KIAA1217: variants seen among roughly 807,000 people sequenced by gnomAD.
KIAA1217 encodes the protein sickle tail protein homolog.
KIAA1217 carries 88 observed loss-of-function variants against 163.9 expected under a neutral mutation model. The ratio of observed to expected loss-of-function variants is 0.54; its 90% CI spans 0.45 to 0.64. The LOEUF is 0.64. Among genes scored for constraint, KIAA1217 ranks in the 30% least tolerant of loss-of-function variants. KIAA1217 has a pLI of 0.00. For synonymous variants in KIAA1217, 903 were observed against 923.1 expected (o/e 0.98, Z 0.39); for missense variants, 2,372 against 2,475.0 (o/e 0.96, Z 0.88).
intron 2 of KIAA1217, among the ~76,000 whole-genome samples, chr10:24,334,282 A>G (rs778520074): frequency 2.6e-5 from 4 of 152,112 alleles, no homozygotes; most frequent in Non-Finnish European, 5.9e-5. Flanking sequence ...GAGCATGCCT[A>G]TAGTTCCAGC....
intron 2 of KIAA1217, among the ~76,000 whole-genome samples, chr10:24,123,891 A>C (rs1349222668): frequency 6.6e-6 from 1 of 152,138 alleles, no homozygotes; most frequent in Non-Finnish European, 1.5e-5. Flanking sequence ...TATTTGTCTA[A>C]CGTTACTGAG....
intron 1 of KIAA1217, among the ~76,000 whole-genome samples, chr10:23,782,713 G>A (rs1231966129): frequency 6.6e-6 from 1 of 152,102 alleles, no homozygotes; most frequent in Non-Finnish European, 1.5e-5. Flanking sequence ...ATGTTTATTA[G>A]ACCTAACAAT....
chr10:23,888,977 C>T (rs1289825018), intron 1 of KIAA1217, among the ~76,000 whole-genome samples: 1 of 151,854 alleles, frequency 6.6e-6, no homozygotes, highest in Non-Finnish European at 1.5e-5. Flanking sequence ...TTCCTTTGCT[C>T]TGCATTATGT....
intron 2 of KIAA1217, among the ~76,000 whole-genome samples, chr10:24,341,329 A>C (rs2047071222): frequency 6.6e-6 from 1 of 152,120 alleles, no homozygotes; most frequent in Admixed American, 6.5e-5. Context: ...GATGGAAATC[A>C]GTAGGTCAGT....
At chr10:23,778,523 G>C (rs1203553159) in intron 1 of KIAA1217, among the ~76,000 whole-genome samples, 1 of 152,204 alleles carries the variant, frequency 6.6e-6, no homozygotes, top group Non-Finnish European at 1.5e-5. Flanking sequence ...CCCCTGATTG[G>C]AGGCCATTGT....
chr10:24,134,681 C>T (rs1315036318), intron 2 of KIAA1217, among the ~76,000 whole-genome samples: 3 of 152,136 alleles, frequency 2.0e-5, no homozygotes, highest in African/African-American at 7.2e-5. Context: ...TCAAGCGATC[C>T]TCCTATCTTA....
chr10:24,323,985 T>TAAG (rs1348663079), intron 2 of KIAA1217, among the ~76,000 whole-genome samples: 1 of 152,116 alleles, frequency 6.6e-6, no homozygotes, highest in Admixed American at 6.6e-5. Flanking sequence ...GATCTTAGGC[T>TAAG]AAGGAACCAC....
At chr10:24,365,510 A>G (rs1243621611) in intron 2 of KIAA1217, among the ~76,000 whole-genome samples, 1 of 151,652 alleles carries the variant, frequency 6.6e-6, no homozygotes, top group Non-Finnish European at 1.5e-5. Context: ...GGTCTACTTC[A>G]GGGTATTTCT....
intron 9 of KIAA1217, among the ~76,000 whole-genome samples, chr10:24,505,465 T>A (rs2068213920): frequency 6.6e-6 from 1 of 152,082 alleles, no homozygotes. Flanking sequence ...GCCCACTTTT[T>A]CTAAATAATG....
chr10:24,157,085 C>A (rs2064911425), intron 2 of KIAA1217, among the ~76,000 whole-genome samples: 1 of 152,160 alleles, frequency 6.6e-6, no homozygotes, highest in Non-Finnish European at 1.5e-5. Context: ...TAATAAATTA[C>A]AAAACTGTTG....
At chr10:24,039,977 C>G (rs188224244) in intron 2 of KIAA1217, among the ~76,000 whole-genome samples, 48 of 152,244 alleles carry the variant, frequency 3.2e-4, no homozygotes, top group African/African-American at 1.1e-3. Context: ...TACACTGGCT[C>G]TCCCAGAGAA....
rs1564423294 is a variant in KIAA1217 at position 23,790,392 on chromosome 10, T to TATATATACATATATACATATAC, written c.-321+95199_-321+95220dup. Among the ~76,000 whole-genome samples, 6 of 82,466 alleles carry TATATATACATATATACATATAC rather than the reference T, an allele frequency of 7.3e-5. 2 individuals carry two copies. The highest frequency in any genetic ancestry group is 1.2e-4 in the Non-Finnish European group (5 of 41,808). 54.1% of individuals were successfully genotyped at this position (82,466 alleles called of 152,430 possible). A position where few individuals can be genotyped will look rare whatever the true frequency, so the allele number is the denominator to read the frequency against. On this transcript the variant is annotated intron_variant, in intron 1 of 18. Transcript: ENST00000376462. ...ATATACATATGTATATATACATATGTATATATACATATATACATATACATA... is the reference window on the plus strand; with the variant it reads ...ATATACATATGTATATATACATATGTATATATACATATATACATATACATATATACATATATACATATACATA...
At chr10:24,436,671 T>C (rs900196428) in intron 4 of KIAA1217, among the ~76,000 whole-genome samples, 1 of 135,756 alleles carries the variant, frequency 7.4e-6, no homozygotes, top group African/African-American at 2.8e-5. Flanking sequence ...GGCAGGAGAA[T>C]GCTGTGAACC....
intron 1 of KIAA1217, among the ~76,000 whole-genome samples, chr10:23,948,847 C>G (rs1844184112): frequency 6.6e-6 from 1 of 151,850 alleles, no homozygotes; most frequent in Admixed American, 6.6e-5. Flanking sequence ...GTTATTAAAC[C>G]AGGTTTAATT....
At chr10:23,909,203 G>A (rs957398658) in intron 1 of KIAA1217, among the ~76,000 whole-genome samples, 4 of 151,998 alleles carry the variant, frequency 2.6e-5, no homozygotes, top group Non-Finnish European at 4.4e-5. Context: ...GACTCAGGGG[G>A]AAATGGTGGG....
chr10:24,443,113 G>A (rs941266424), intron 5 of KIAA1217, among the ~76,000 whole-genome samples: 5 of 152,100 alleles, frequency 3.3e-5, no homozygotes, highest in Admixed American at 1.3e-4. Flanking sequence ...ATTTTGCCAT[G>A]TTGGCCAGGC....
At chr10:23,831,577 C>G (rs1238827303) in intron 1 of KIAA1217, among the ~76,000 whole-genome samples, 1 of 152,116 alleles carries the variant, frequency 6.6e-6, no homozygotes. Flanking sequence ...CAGCTTCCAA[C>G]TTGTACGTTT....
intron 2 of KIAA1217, among the ~76,000 whole-genome samples, chr10:24,180,361 A>C (rs1043781676): frequency 2.8e-5 from 4 of 140,986 alleles, no homozygotes; most frequent in Admixed American, 1.6e-4. Context: ...ATCTCAGCTC[A>C]CTGCAACCTC....
chr10:24,161,047 ATAACC>A (rs765123422), intron 2 of KIAA1217, among the ~76,000 whole-genome samples: 23 of 152,230 alleles, frequency 1.5e-4, no homozygotes, highest in Non-Finnish European at 2.4e-4. Flanking sequence ...CAAAAAGCAA[ATAACC>A]TCACCTCAGA....
Sources: gnomAD v4.1 joint callset for allele counts (sites outside exome capture counted in the v4.1 genomes callset) on GRCh38, gnomAD v4.1.1 for gene constraint, MANE v1.5 for transcripts, NCBI Gene and HGNC (gene_info 2026-07-23, HGNC 2026-07-21) for gene names.